Variants in MTA3 observed in about 807,000 individuals in gnomAD.
MTA3 encodes metastasis associated 1 family member 3.
Under a neutral mutation model 83.5 loss-of-function variants are expected in MTA3, and 34 were observed. The ratio of observed to expected loss-of-function variants is 0.41; its 90% CI spans 0.31 to 0.54. MTA3 has a LOEUF of 0.54. Among genes scored for constraint, MTA3 ranks in the 20% least tolerant of loss-of-function variants. The pLI is 0.33. For missense variants in MTA3, 761 were observed against 726.4 expected (o/e 1.05, Z -0.55); for synonymous variants, 303 against 252.7 (o/e 1.20, Z -1.89).
intron 8 of MTA3, among the ~76,000 whole-genome samples, chr2:42,675,675 G>A (rs1279411896): frequency 6.6e-6 from 1 of 152,036 alleles, no homozygotes; most frequent in African/African-American, 2.4e-5. Context: ...AAACTTCTCT[G>A]GCATTTCAAA....
At chr2:42,500,243 A>C (rs1674334754) in intron 2 of MTA3, among the ~76,000 whole-genome samples, 1 of 152,150 alleles carries the variant, frequency 6.6e-6, no homozygotes, top group African/African-American at 2.4e-5. Flanking sequence ...TACTCAAAAT[A>C]CAAAAATTAG....
At chr2:42,595,105 C>CCTTT (rs1681624717) in intron 3 of MTA3, among the ~76,000 whole-genome samples, 2 of 38,902 alleles carry the variant, frequency 5.1e-5, no homozygotes, top group Non-Finnish European at 8.9e-5. Context: ...ACAGGAGCTT[C>CCTTT]ATTTTTTTTT....
intron 14 of MTA3, 120 bp downstream of exon 14, chr2:42,709,216 CTTTTA>C: frequency 2.8e-6 from 4 of 1,448,380 alleles, no homozygotes; most frequent in Non-Finnish European, 3.6e-6. Context: ...TGTGTACAGC[CTTTTA>C]TTTGGTTTAT....
At position 42,723,024 on chromosome 2, in the gene MTA3, A is replaced by G. The variant is rs761697406; in HGVS notation, c.1748A>G (p.Asn583Ser). 37 of 1,550,620 alleles carry G rather than the reference A, an allele frequency of 2.4e-5. No individual in the cohort carries two copies. The highest frequency in any genetic ancestry group is 3.1e-5 in the Non-Finnish European group (36 of 1,146,998). ...GGGAAAAGAAACTACAGTCATCACA[A>G]TGGTCTGGATGGTATGTAAGCCCAG... Reference protein sequence around the residue: ...ILGKRNYSHHNGLDELTCCVS... With the variant: ...ILGKRNYSHHSGLDELTCCVS... The change falls in exon 16 of 17, where the codon AAT (asparagine) becomes AGT (serine). Residue 583 changes from asparagine to serine, a missense_variant. By Grantham distance (46) the Asn-to-Ser change is conservative. Transcript: ENST00000405094.
intron 2 of MTA3, among the ~76,000 whole-genome samples, chr2:42,548,041 C>G (rs1000064851): frequency 6.6e-6 from 1 of 152,192 alleles, no homozygotes; most frequent in East Asian, 1.9e-4. Flanking sequence ...CCCTGTGGTC[C>G]TGATGGTCAG....
intron 3 of MTA3, among the ~76,000 whole-genome samples, chr2:42,596,214 T>G (rs1031583339): frequency 1.3e-5 from 2 of 152,216 alleles, no homozygotes; most frequent in African/African-American, 2.4e-5. Flanking sequence ...GTCTATGAAG[T>G]GTGTAGGCAC....
intron 6 of MTA3, among the ~76,000 whole-genome samples, chr2:42,651,068 T>C (rs897563446): frequency 1.3e-5 from 2 of 152,232 alleles, no homozygotes; most frequent in Non-Finnish European, 2.9e-5. Flanking sequence ...TACAGCATGT[T>C]ACTATACTGA....
chr2:42,681,907 A>C (rs1691961417), intron 8 of MTA3, among the ~76,000 whole-genome samples: 1 of 151,982 alleles, frequency 6.6e-6, no homozygotes, highest in African/African-American at 2.4e-5. Context: ...AGAAAGAAAA[A>C]AAAAAGGTAA....
chr2:42,609,402 A>T, intron 3 of MTA3, 56 bp from the exon 4 acceptor site: 1 of 1,537,302 alleles, frequency 6.5e-7, no homozygotes, highest in Admixed American at 1.9e-5. Context: ...CTGTTTCAAT[A>T]TCCAAACAGA....
In MTA3 at chr2:42,676,086, C is replaced by A. The variant is rs145936222; in HGVS notation, c.703-6315C>A. 2.8e-3 allele frequency among the ~76,000 whole-genome samples: 422 copies of A among 152,296 alleles called. 2 individuals are homozygous for A. The highest frequency in any genetic ancestry group is 9.8e-3 in the African/African-American group (408 of 41,548). On this transcript the variant is annotated intron_variant, in intron 8 of 16. Transcript: ENST00000405094. ...GTATAAATGTGCGCTTTGGAGGTTT[C>A]ATATCTCCTGGTGAACAGTAATTCC... is the stretch of plus-strand genomic sequence containing the variant.
chr2:42,750,220 A>T (rs1044226733), intron 16 of MTA3, among the ~76,000 whole-genome samples: 2 of 151,720 alleles, frequency 1.3e-5, no homozygotes, highest in African/African-American at 4.8e-5. Context: ...TGATCTCTTG[A>T]ACTTGTGATC....
chr2:42,705,260 T>G (rs1313107665), intron 12 of MTA3, among the ~76,000 whole-genome samples: 2 of 152,248 alleles, frequency 1.3e-5, no homozygotes, highest in African/African-American at 4.8e-5. Context: ...AAACAATTTG[T>G]GGAAAATTAA....
At chr2:42,565,571 C>A (rs1677874852), upstream of MTA3, among the ~76,000 whole-genome samples, 1 of 152,280 alleles carries the variant, frequency 6.6e-6, no homozygotes, top group African/African-American at 2.4e-5. Context: ...AAATTTCATC[C>A]ATGGAAGGGC....
At position 42,507,864 on chromosome 2, in the gene MTA3, G is replaced by A. The variant is rs189296963; in HGVS notation, c.-141+12610G>A. 2.6e-5 allele frequency among the ~76,000 whole-genome samples: 4 copies of A among 151,682 alleles called. No homozygotes were observed. In the East Asian group the frequency reaches 7.8e-4, roughly 29 times the overall value. On this transcript the variant is annotated intron_variant, in intron 2 of 17. Transcript: ENST00000405592. ...GATGATGGCTTGAGCCCGGGAGGCA[G>A]AGATTGCAGTGACAGAGGTTGCAGT...
chr2:42,714,206 T>A (rs892659815), intron 14 of MTA3, among the ~76,000 whole-genome samples: 1 of 152,234 alleles, frequency 6.6e-6, no homozygotes, highest in Non-Finnish European at 1.5e-5. Flanking sequence ...GTCAACTGTT[T>A]TTGCCCGTGG....
chr2:42,613,325 C>G (rs1368872983), intron 4 of MTA3, among the ~76,000 whole-genome samples: 1 of 152,056 alleles, frequency 6.6e-6, no homozygotes, highest in Non-Finnish European at 1.5e-5. Flanking sequence ...ACATTTGGGG[C>G]TTTTTGTTTT....
intron 9 of MTA3, among the ~76,000 whole-genome samples, chr2:42,692,133 T>C (rs932423462): frequency 6.6e-6 from 1 of 152,218 alleles, no homozygotes; most frequent in Non-Finnish European, 1.5e-5. Flanking sequence ...CTAGATCCTA[T>C]AAGCAGGCTT....
intron 2 of MTA3, among the ~76,000 whole-genome samples, chr2:42,572,109 C>G (rs1469441572): frequency 6.6e-6 from 1 of 151,778 alleles, no homozygotes; most frequent in Non-Finnish European, 1.5e-5. Flanking sequence ...AACCCCGTCT[C>G]TACTAAAAAT....
rs1677231968 is a variant in MTA3 at position 42,553,660 on chromosome 2, A to G, written c.-140-16777A>G. 2.0e-5 allele frequency among the ~76,000 whole-genome samples: 3 copies of G among 148,950 alleles called. No individual in the cohort carries two copies. The South Asian group carries it at 6.4e-4, about 32-fold the overall frequency. ...TGAGGCAGGAGAATGGCTTGAACCC[A>G]GGAGGTAGAGGTTGCAGTGAGCCGA... On this transcript the variant is annotated intron_variant, in intron 2 of 17. Transcript: ENST00000405592.
Sources: allele counts gnomAD v4.1 joint callset (sites outside exome capture counted in the v4.1 genomes callset), GRCh38; gene constraint gnomAD v4.1.1; transcripts MANE v1.5; gene names NCBI Gene and HGNC (gene_info 2026-07-23, HGNC 2026-07-21).